Variants in RBMS3 observed in about 807,000 individuals in gnomAD.
RBMS3 encodes RNA binding motif single stranded interacting protein 3.
RBMS3 carries 27 observed loss-of-function variants against 66.8 expected under a neutral mutation model. The ratio of observed to expected loss-of-function variants is 0.40; its 90% CI spans 0.30 to 0.56. The LOEUF is 0.56. Ranked by LOEUF, RBMS3 falls within the 20% of genes least tolerant of loss-of-function variation. The pLI, the probability that RBMS3 is intolerant of heterozygous loss-of-function variation, is 0.40. For missense variants in RBMS3, 513 were observed against 549.5 expected (o/e 0.93, Z 0.66); for synonymous variants, 188 against 183.0 (o/e 1.03, Z -0.22).
chr3:29,320,261 A>C (rs1259272336), intron 1 of RBMS3, among the ~76,000 whole-genome samples: 1 of 152,050 alleles, frequency 6.6e-6, no homozygotes, highest in African/African-American at 2.4e-5. Flanking sequence ...GAGGTTCTAC[A>C]AAATAGGAGA....
chr3:29,571,851 G>GATTGT (rs1363459115), intron 3 of RBMS3, among the ~76,000 whole-genome samples: 1 of 152,104 alleles, frequency 6.6e-6, no homozygotes, highest in African/African-American at 2.4e-5. Flanking sequence ...TGAATCAGTA[G>GATTGT]ATTGTTTTGG....
At position 29,839,721 on chromosome 3, in the gene RBMS3, A is replaced by G. The variant is rs2058616204; in HGVS notation, c.638-29137A>G. 3.9e-5 allele frequency among the ~76,000 whole-genome samples: 6 copies of G among 152,044 alleles called. No homozygotes were observed. The South Asian group carries it at 1.2e-3, about 32-fold the overall frequency. ...AAAAACTACTCAGAACAAACACACC[A>G]AAATGATAATAGTCATTGGTCTCAG... On this transcript the variant is annotated intron_variant, in intron 6 of 14. Transcript: ENST00000383767.
At chr3:29,364,350 A>G (rs563750447) in intron 1 of RBMS3, among the ~76,000 whole-genome samples, 17 of 152,178 alleles carry the variant, frequency 1.1e-4, no homozygotes, top group Admixed American at 2.6e-4. Context: ...ACAAACATCA[A>G]CAGAGGACCT....
chr3:29,357,598 G>C (rs1344980029), intron 1 of RBMS3, among the ~76,000 whole-genome samples: 1 of 152,134 alleles, frequency 6.6e-6, no homozygotes, highest in African/African-American at 2.4e-5. Flanking sequence ...GGTATTTCTA[G>C]TTCTAGATCC....
intron 4 of RBMS3, among the ~76,000 whole-genome samples, chr3:29,646,039 T>A (rs1188556549): frequency 1.3e-5 from 2 of 152,244 alleles, no homozygotes; most frequent in Non-Finnish European, 2.9e-5. Flanking sequence ...ACAAGCCTGC[T>A]ATCATCTTCG....
chr3:29,718,137 G>T (rs73054373), intron 4 of RBMS3, among the ~76,000 whole-genome samples: 54,851 of 151,742 alleles, frequency 0.36, 10,028 homozygotes, highest in East Asian at 0.44. Context: ...TTAAGTTTAT[G>T]AAAATATAAA....
At chr3:29,830,904 G>T (rs564411923) in intron 6 of RBMS3, among the ~76,000 whole-genome samples, 1 of 152,124 alleles carries the variant, frequency 6.6e-6, no homozygotes, top group Admixed American at 6.6e-5. Flanking sequence ...GGACAAGTAA[G>T]AATTAAAGTG....
chr3:29,990,460 C>CAAAAAAAAAAAAAA (rs10596526), intron 13 of RBMS3, among the ~76,000 whole-genome samples: 1 of 106,514 alleles, frequency 9.4e-6, no homozygotes, highest in African/African-American at 3.6e-5. Context: ...CTGTGAGAAA[C>CAAAAAAAAAAAAAA]AAAAAAAAAA....
intron 3 of RBMS3, among the ~76,000 whole-genome samples, chr3:29,578,792 T>TAAAGGGG (rs1203023269): frequency 6.0e-5 from 7 of 116,606 alleles, no homozygotes; most frequent in South Asian, 3.3e-4. Context: ...ACATGCTTCT[T>TAAAGGGG]TTTTTTTTTT....
At chr3:29,346,132 C>T (rs1265040422) in intron 1 of RBMS3, among the ~76,000 whole-genome samples, 5 of 152,094 alleles carry the variant, frequency 3.3e-5, no homozygotes, top group African/African-American at 1.2e-4. Flanking sequence ...CTGGAGTTGG[C>T]CCATATTGAC....
At chr3:29,632,854 C>G (rs556427755) in intron 4 of RBMS3, among the ~76,000 whole-genome samples, 30 of 151,884 alleles carry the variant, frequency 2.0e-4, no homozygotes, top group Admixed American at 1.1e-3. Context: ...CCTTCCTCTG[C>G]TTATTTCCCC....
chr3:29,849,043 AT>A (rs1260719698), intron 6 of RBMS3, among the ~76,000 whole-genome samples: 2 of 151,938 alleles, frequency 1.3e-5, no homozygotes, highest in Admixed American at 1.3e-4. Context: ...AGACCTTGAC[AT>A]TTTTTTCTTT....
rs552005485 is a variant in RBMS3 at position 29,724,706 on chromosome 3, A to G, written c.400-15014A>G. Among the ~76,000 whole-genome samples the G allele has an allele frequency of 4.6e-5, 7 of 152,306 alleles. No individual in the cohort carries two copies. The South Asian group carries it at 1.2e-3, about 27-fold the overall frequency. On this transcript the variant is annotated intron_variant, in intron 4 of 14. Transcript: ENST00000383767. ...TTAAAATTTAATTTTCATGCATATCATGTAGCTGAGACACCGTTTAAAAAT... is the reference window on the plus strand; with the variant it reads ...TTAAAATTTAATTTTCATGCATATCGTGTAGCTGAGACACCGTTTAAAAAT...
At chr3:29,372,751 C>T (rs1055172460) in intron 1 of RBMS3, among the ~76,000 whole-genome samples, 11 of 151,876 alleles carry the variant, frequency 7.2e-5, no homozygotes, top group Non-Finnish European at 1.6e-4. Context: ...GAAATATGTA[C>T]TCTGCCTAAA....
intron 1 of RBMS3, among the ~76,000 whole-genome samples, chr3:29,330,349 C>A (rs552982353): frequency 6.6e-6 from 1 of 152,234 alleles, no homozygotes; most frequent in Admixed American, 6.5e-5. Context: ...CACTCAATAG[C>A]TTCTGCATTC....
intron 12 of RBMS3, among the ~76,000 whole-genome samples, chr3:29,964,584 C>G (rs751447271): frequency 6.6e-6 from 1 of 152,124 alleles, no homozygotes; most frequent in Non-Finnish European, 1.5e-5. Flanking sequence ...CAGTTGTTGT[C>G]TACAGTTTCT....
At chr3:29,991,380 G>T in intron 14 of RBMS3, 171 bp downstream of exon 14, 2 of 1,063,798 alleles carry the variant, frequency 1.9e-6, no homozygotes, top group Non-Finnish European at 2.6e-6. Context: ...ACTTTGGGTG[G>T]ATGGTTCTTC....
chr3:29,567,602 C>T (rs1318745127), intron 3 of RBMS3, among the ~76,000 whole-genome samples: 1 of 151,998 alleles, frequency 6.6e-6, no homozygotes, highest in Non-Finnish European at 1.5e-5. Context: ...CATTTATGCC[C>T]CATTATGAGT....
chr3:29,542,291 A>G (rs1040782575), intron 3 of RBMS3, among the ~76,000 whole-genome samples: 8 of 152,080 alleles, frequency 5.3e-5, no homozygotes, highest in African/African-American at 1.9e-4. Context: ...TACTTTGCCC[A>G]TTTTTTGTCC....
Sources: gnomAD v4.1 joint callset for allele counts (sites outside exome capture counted in the v4.1 genomes callset) on GRCh38, gnomAD v4.1.1 for gene constraint, MANE v1.5 for transcripts, NCBI Gene and HGNC (gene_info 2026-07-23, HGNC 2026-07-21) for gene names.